Variants in KCNT1 observed in about 807,000 individuals in gnomAD.
KCNT1 encodes potassium sodium-activated channel subfamily T member 1, also known as potassium channel subfamily T member 1.
Under a neutral mutation model 147.8 loss-of-function variants are expected in KCNT1, and 78 were observed. The observed-to-expected ratio is 0.53, with a 90% confidence interval of 0.44 to 0.64. The LOEUF (loss-of-function observed/expected upper bound fraction) is 0.64. Among genes scored for constraint, KCNT1 ranks in the 30% least tolerant of loss-of-function variants. The pLI, the probability that KCNT1 is intolerant of heterozygous loss-of-function variation, is 0.00. For synonymous variants in KCNT1, 867 were observed against 748.8 expected (o/e 1.16, Z -2.58); for missense variants, 1,419 against 1,750.3 (o/e 0.81, Z 3.38).
chr9:135,759,321 C>A (rs899511147), intron 10 of KCNT1, among the ~76,000 whole-genome samples: 1 of 152,192 alleles, frequency 6.6e-6, no homozygotes, highest in Non-Finnish European at 1.5e-5. Context: ...CCCAAGCCCA[C>A]GCTGATGACA....
intron 1 of KCNT1, among the ~76,000 whole-genome samples, chr9:135,708,511 G>A (rs559165650): frequency 2.6e-4 from 39 of 152,330 alleles, no homozygotes; most frequent in African/African-American, 8.9e-4. Flanking sequence ...TATTTTAGGA[G>A]AGAAACCTCA....
At chr9:135,721,260 G>C (rs1341227553) in intron 2 of KCNT1, among the ~76,000 whole-genome samples, 1 of 152,206 alleles carries the variant, frequency 6.6e-6, no homozygotes, top group East Asian at 1.9e-4. Context: ...CAGAGCTGCT[G>C]AGCTCAGGGA....
chr9:135,702,485 T>G lies in KCNT1; in HGVS notation c.110+117T>G, dbSNP rs1835073500. ...CCGCCATTCCCAGGGCCATCCAACT[T>G]CCCCAGGACCCGCGAGTGCCCTCCC... is the stretch of plus-strand genomic sequence containing the variant. On this transcript the variant is annotated intron_variant, in intron 1 of 30. Coordinates refer to ENST00000371757, the MANE Select transcript of KCNT1 (RefSeq NM_020822.3). 4 of 856,198 alleles carry G rather than the reference T, an allele frequency of 4.7e-6. No individual in the cohort carries two copies. In the South Asian group the frequency reaches 5.9e-5, roughly 13 times the overall value. 53.0% of individuals were successfully genotyped at this position (856,198 alleles called of 1,614,324 possible). A position where few individuals can be genotyped will look rare whatever the true frequency, so the allele number is the denominator to read the frequency against.
At chr9:135,704,199 C>T (rs981104750) in intron 1 of KCNT1, among the ~76,000 whole-genome samples, 2 of 152,222 alleles carry the variant, frequency 1.3e-5, no homozygotes, top group Non-Finnish European at 2.9e-5. Flanking sequence ...GTGGTCAGAA[C>T]CCAGGCCCTG....
At chr9:135,782,609 G>A (rs761668042) in intron 24 of KCNT1, among the ~76,000 whole-genome samples, 2 of 152,206 alleles carry the variant, frequency 1.3e-5, no homozygotes, top group African/African-American at 4.8e-5. Flanking sequence ...AAGCCCTCCT[G>A]TCCAGAAAGC....
intron 2 of KCNT1, among the ~76,000 whole-genome samples, chr9:135,747,466 C>T (rs557134447): frequency 2.6e-5 from 4 of 152,204 alleles, no homozygotes; most frequent in Non-Finnish European, 5.9e-5. Flanking sequence ...GGGCAGCTCC[C>T]GCCTCAGCCC....
chr9:135,720,648 G>C (rs59772763), intron 2 of KCNT1, among the ~76,000 whole-genome samples: 3,288 of 152,202 alleles, frequency 0.022, 131 homozygotes, highest in African/African-American at 0.074. Flanking sequence ...CTGGGGGCGG[G>C]GGTCCTGCCT....
Position 135,784,627 on chromosome 9 carries a change from CCCTGGCTGCGCTGG to C in KCNT1, c.3027+10_3027+23del, listed in dbSNP as rs1478667905. 15 of 1,611,682 alleles carry C rather than the reference CCCTGGCTGCGCTGG, an allele frequency of 9.3e-6. No homozygotes were observed. Among genetic ancestry groups the C allele is most frequent in the Non-Finnish European group, 1.3e-5 (15 of 1,179,622 alleles). On this transcript the variant is annotated intron_variant, in intron 26 of 30. Coordinates refer to ENST00000371757, the MANE Select transcript of KCNT1 (RefSeq NM_020822.3). ...CGGGGTACCTCTGTGCCGTAAGTGCCCCTGGCTGCGCTGGGCTGGGGGCGTGCTGGGCTGTCCAA... is the reference window on the plus strand; with the variant it reads ...CGGGGTACCTCTGTGCCGTAAGTGCCGCTGGGGGCGTGCTGGGCTGTCCAA...
chr9:135,786,170 CGCCCT>C lies in KCNT1; in HGVS notation c.3178-7_3178-3del, dbSNP rs757968008. 0.25 allele frequency: 382,933 copies of C among 1,544,516 alleles called. 46,499 individuals are homozygous for C. Among genetic ancestry groups the C allele is most frequent in the African/African-American group, 0.44 (31,544 of 71,162 alleles). ...CCCTCCCGGCAGCCTCACCCCTCCC[CGCCCT>C]GCCCTGCCCTGCCCTGCCCAGTCCC... On this transcript the variant is annotated intron_variant, in intron 28 of 30. Transcript: ENST00000371757.
intron 2 of KCNT1, among the ~76,000 whole-genome samples, chr9:135,721,931 G>A (rs1409055148): frequency 6.6e-6 from 1 of 152,288 alleles, no homozygotes; most frequent in East Asian, 1.9e-4. Flanking sequence ...TGTGGCTCCC[G>A]GGTGGGCTGC....
chr9:135,769,798 C>T (rs181553567), intron 15 of KCNT1, 149 bp from the exon 16 acceptor site: 213 of 629,388 alleles, frequency 3.4e-4, no homozygotes, highest in Non-Finnish European at 5.2e-4. Flanking sequence ...CACAGACTCT[C>T]GGGGCAGAGA....
Position 135,772,852 on chromosome 9 carries a change from C to T in KCNT1, c.2146C>T (p.Leu716=), listed in dbSNP as rs752522838. Residue 716 remains leucine, a synonymous_variant, in exon 19 of 31, where the codon CTG becomes TTG. Transcript: ENST00000371757. ...GCCCAGCATCGCGCCCGTCCTGGAA[C>T]TGGCCGACAGCTCAGCCCTGCTGCC... ...RRPSIAPVLE[L]ADSSALLPCD... The T allele has an allele frequency of 1.9e-6, 3 of 1,547,290 alleles. No homozygotes were observed. The highest frequency in any genetic ancestry group is 2.6e-6 in the Non-Finnish European group (3 of 1,146,060).
chr9:135,784,488 T>TG (rs2131573565), intron 25 of KCNT1, 47 bp from the exon 26 acceptor site: 1 of 85,988 alleles, frequency 1.2e-5, no homozygotes, highest in Non-Finnish European at 2.2e-5. Flanking sequence ...TGTGGCTCCC[T>TG]CCCTCCCTCC....
intron 23 of KCNT1, among the ~76,000 whole-genome samples, chr9:135,779,144 C>G (rs116178475): frequency 1.5e-3 from 227 of 150,026 alleles, no homozygotes; most frequent in African/African-American, 5.3e-3. Context: ...GAGAGTCCCA[C>G]AGCCATGACC....
At chr9:135,768,457 C>T (rs963409984) in intron 13 of KCNT1, 153 bp from the exon 14 acceptor site, 15 of 609,080 alleles carry the variant, frequency 2.5e-5, no homozygotes, top group African/African-American at 9.3e-5. Context: ...CCATCCTCTC[C>T]GCCTTCCATC....
At chr9:135,781,919 C>T (rs546311372) in intron 24 of KCNT1, among the ~76,000 whole-genome samples, 2 of 152,282 alleles carry the variant, frequency 1.3e-5, no homozygotes, top group South Asian at 2.1e-4. Context: ...CCCATCTATA[C>T]AAAAAATTTA....
Position 135,730,421 on chromosome 9 carries a change from A to G in KCNT1, c.254+15701A>G, listed in dbSNP as rs891128833. 5.9e-5 allele frequency among the ~76,000 whole-genome samples: 9 copies of G among 152,238 alleles called. No individual in the cohort carries two copies. Among genetic ancestry groups the G allele is most frequent in the African/African-American group, 1.9e-4 (8 of 41,468 alleles). ...AGATATGATTAAGTGGAGGGCCTTGAAGATGGGAAATTATCGTGGATGATC... is the reference window on the plus strand; with the variant it reads ...AGATATGATTAAGTGGAGGGCCTTGGAGATGGGAAATTATCGTGGATGATC... On this transcript the variant is annotated intron_variant, in intron 2 of 30. Coordinates refer to ENST00000371757, the MANE Select transcript of KCNT1 (RefSeq NM_020822.3). The surrounding 1 kb of genome is among the most constrained non-coding windows in gnomAD (Gnocchi z 4.7).
intron 29 of KCNT1, among the ~76,000 whole-genome samples, chr9:135,787,796 G>C (rs986050135): frequency 4.6e-5 from 7 of 152,318 alleles, no homozygotes; most frequent in South Asian, 2.1e-4. Flanking sequence ...TTTCAGGTGG[G>C]GCTCACGAGG....
intron 18 of KCNT1, among the ~76,000 whole-genome samples, chr9:135,771,330 C>G (rs551759765): frequency 1.3e-5 from 2 of 152,206 alleles, no homozygotes; most frequent in Admixed American, 1.3e-4. Flanking sequence ...GGAGACCAGG[C>G]CAATGTGGCC....
Sources: allele counts gnomAD v4.1 joint callset (sites outside exome capture counted in the v4.1 genomes callset), GRCh38; gene constraint gnomAD v4.1.1; non-coding constraint Gnocchi (gnomAD v3.1); transcripts MANE v1.5; gene names NCBI Gene and HGNC (gene_info 2026-07-23, HGNC 2026-07-21).